FAM168B: variants seen among roughly 807,000 people sequenced by gnomAD.
The protein encoded by FAM168B is myelin-associated neurite-outgrowth inhibitor.
FAM168B carries 19 observed loss-of-function variants against 21.8 expected under a neutral mutation model. The observed-to-expected ratio is 0.87, with a 90% CI of 0.61 to 1.28. FAM168B has a LOEUF of 1.28. Ranked by LOEUF, FAM168B falls within the 50% of genes most tolerant of loss-of-function variation. The pLI is 0.00. For synonymous variants in FAM168B, 126 were observed against 104.8 expected (o/e 1.20, Z -1.24); for missense variants, 233 against 263.1 (o/e 0.89, Z 0.79).
chr2:131,048,180 AAAAAC>A lies in FAM168B; in HGVS notation c.*4280_*4284del, dbSNP rs1422482324. The A allele has an allele frequency of 1.6e-6, 2 of 1,251,104 alleles. No homozygotes were observed. Among genetic ancestry groups the A allele is most frequent in the Non-Finnish European group, 1.0e-6 (1 of 960,396 alleles). The allele number at this position is 1,251,104 out of a possible 1,614,324, so 77.5% of individuals were successfully genotyped here. A position where few individuals can be genotyped will look rare whatever the true frequency, so the allele number is the denominator to read the frequency against. ...AACGGTATTTAAAAATCATTTTTAAAAAAACAAAAAGGAACCGTTTCTTCTTTAGT... is the reference window on the plus strand; with the variant it reads ...AACGGTATTTAAAAATCATTTTTAAAAAAAAGGAACCGTTTCTTCTTTAGT... On this transcript the variant is annotated 3_prime_UTR_variant, in exon 7 of 7. Coordinates refer to ENST00000389915, the MANE Select transcript of FAM168B (RefSeq NM_001009993.4).
intron 3 of FAM168B, among the ~76,000 whole-genome samples, chr2:131,061,406 C>G (rs922435106): frequency 2.0e-5 from 3 of 151,542 alleles, no homozygotes; most frequent in Admixed American, 6.6e-5. Context: ...ATGGAAACAA[C>G]AGTCATGCAT....
At chr2:131,089,034 T>A in intron 1 of FAM168B, among the ~76,000 whole-genome samples, 1 of 151,604 alleles carries the variant, frequency 6.6e-6, no homozygotes, top group East Asian at 1.9e-4. Flanking sequence ...TGGCGCGATC[T>A]CAGCTCACCG....
chr2:131,077,333 G>A (rs556529725), intron 2 of FAM168B, among the ~76,000 whole-genome samples: 26 of 152,148 alleles, frequency 1.7e-4, no homozygotes, highest in African/African-American at 6.3e-4. Flanking sequence ...CTACTGTTCA[G>A]CCAGGAGAAG....
At chr2:131,060,319 C>T (rs1692230485) in intron 3 of FAM168B, among the ~76,000 whole-genome samples, 4 of 151,902 alleles carry the variant, frequency 2.6e-5, no homozygotes, top group Admixed American at 1.3e-4. Context: ...CCACCGCGCC[C>T]GGCCGTGAGT....
chr2:131,081,260 G>A (rs1180017476), intron 2 of FAM168B, among the ~76,000 whole-genome samples: 4 of 152,070 alleles, frequency 2.6e-5, no homozygotes, highest in Non-Finnish European at 5.9e-5. Flanking sequence ...GCATCTACCT[G>A]ATGGTTCTTC....
In FAM168B at chr2:131,086,312, A is replaced by G. The variant is rs78829253; in HGVS notation, c.-11-3655T>C. On this transcript the variant is annotated intron_variant, in intron 1 of 6. Coordinates refer to ENST00000389915, the MANE Select transcript of FAM168B (RefSeq NM_001009993.4). ...TTGAATTCCAGATAAGCAAAGCACTACACAAAGGCCACAGAGAAAACAAAA... is the reference window on the plus strand; with the variant it reads ...TTGAATTCCAGATAAGCAAAGCACTGCACAAAGGCCACAGAGAAAACAAAA... Among the ~76,000 whole-genome samples the G allele has an allele frequency of 6.5e-3, 993 of 152,336 alleles. 35 individuals carry two copies. Among genetic ancestry groups the G allele is most frequent in the Admixed American group, 0.047 (714 of 15,296 alleles).
In FAM168B at chr2:131,055,427, G is replaced by C; in HGVS notation, c.320C>G (p.Pro107Arg). ...YAQQGTYYTQ[P>R]LYAAPPHVIH... ...GACGTGAGGAGGTGCTGCATACAGC[G>C]GCTGTGTGTAGTACGTGCCTTGCTG... The change falls in exon 5 of 7, where the codon CCG becomes CGG. Residue 107 changes from proline (P) to arginine (R), a missense_variant. Pro to Arg is a moderately radical substitution (Grantham distance 103). Coordinates refer to ENST00000389915, the MANE Select transcript of FAM168B (RefSeq NM_001009993.4). 1 of 1,609,432 alleles carries C rather than the reference G, an allele frequency of 6.2e-7. No homozygotes were observed. The highest frequency in any genetic ancestry group is 2.2e-5 in the East Asian group (1 of 44,712).
In FAM168B at chr2:131,052,174, G is replaced by A; in HGVS notation, c.*291C>T. On this transcript the variant is annotated 3_prime_UTR_variant, in exon 7 of 7. Transcript: ENST00000389915. ...TTTTTGTGTTTGTTTTTTTAAACAT[G>A]CATTCAACTAGATATGATTCAGAAT... The A allele has an allele frequency of 2.0e-6, 2 of 985,722 alleles. No individual in the cohort carries two copies. Among genetic ancestry groups the A allele is most frequent in the Non-Finnish European group, 2.4e-6 (2 of 829,918 alleles). 61.1% of individuals were successfully genotyped at this position (985,722 alleles called of 1,614,324 possible).
chr2:131,083,114 G>C (rs1006417946), intron 1 of FAM168B, among the ~76,000 whole-genome samples: 1 of 152,020 alleles, frequency 6.6e-6, no homozygotes, highest in African/African-American at 2.4e-5. Context: ...TTAGCACTTC[G>C]GGAGGCTGAG....
At position 131,048,448 on chromosome 2, in the gene FAM168B, C is replaced by A. The variant is rs1691431263; in HGVS notation, c.*4017G>T. On this transcript the variant is annotated 3_prime_UTR_variant, in exon 7 of 7. Transcript: ENST00000389915. ...ACAGACGCCGCTCATCCTCTGTCTC[C>A]CCTTCCCAAGTGACTTCACTTCAGT... 1.7e-6 allele frequency: 2 copies of A among 1,197,952 alleles called. No homozygotes were observed. Among genetic ancestry groups the A allele is most frequent in the South Asian group, 3.2e-5 (2 of 61,870 alleles). 74.2% of individuals were successfully genotyped at this position (1,197,952 alleles called of 1,614,324 possible). A position where few individuals can be genotyped will look rare whatever the true frequency, so the allele number is the denominator to read the frequency against.
At position 131,048,101 on chromosome 2, in the gene FAM168B, C is replaced by A; in HGVS notation, c.*4364G>T. On this transcript the variant is annotated 3_prime_UTR_variant, in exon 7 of 7. Transcript: ENST00000389915. ...GCAGAGGTGAGGGATGCCTTTAACA[C>A]TGGAAGACAATGCTGACTTAGCTTA... The A allele has an allele frequency of 1.0e-5, 11 of 1,048,130 alleles. No homozygotes were observed. The highest frequency in any genetic ancestry group is 1.4e-5 in the Non-Finnish European group (11 of 805,408). The allele number at this position is 1,048,130 out of a possible 1,614,324, so 64.9% of individuals were successfully genotyped here. A position where few individuals can be genotyped will look rare whatever the true frequency, so the allele number is the denominator to read the frequency against.
Position 131,049,623 on chromosome 2 carries a change from A to G in FAM168B, c.*2842T>C. ...CGGCTGAACACACTCCCCAAGCCTCAGGGGAGAAGGTGTAGAACAAATATT... is the reference window on the plus strand; with the variant it reads ...CGGCTGAACACACTCCCCAAGCCTCGGGGGAGAAGGTGTAGAACAAATATT... On this transcript the variant is annotated 3_prime_UTR_variant, in exon 7 of 7. Transcript: ENST00000389915. 1 of 985,594 alleles carries G rather than the reference A, an allele frequency of 1.0e-6. No homozygotes were observed. Among genetic ancestry groups the G allele is most frequent in the Non-Finnish European group, 1.2e-6 (1 of 829,922 alleles). The allele number at this position is 985,594 out of a possible 1,614,324, so 61.1% of individuals were successfully genotyped here. A position where few individuals can be genotyped will look rare whatever the true frequency, so the allele number is the denominator to read the frequency against.
In FAM168B at chr2:131,070,735, T is replaced by C. The variant is rs1452005094; in HGVS notation, c.154+1120A>G. 2.6e-5 allele frequency among the ~76,000 whole-genome samples: 4 copies of C among 152,286 alleles called. No homozygotes were observed. The East Asian group carries it at 7.7e-4, about 29-fold the overall frequency. ...AATACTACCTAACAATAAAAAGGAA[T>C]GAACTGCTAATATACACTACGAGAT... On this transcript the variant is annotated intron_variant, in intron 3 of 6. Coordinates refer to ENST00000389915, the MANE Select transcript of FAM168B (RefSeq NM_001009993.4).
At chr2:131,078,611 A>G (rs1217717324) in intron 2 of FAM168B, among the ~76,000 whole-genome samples, 1 of 152,206 alleles carries the variant, frequency 6.6e-6, no homozygotes, top group East Asian at 1.9e-4. Flanking sequence ...TAGTTACATC[A>G]TGGTAAAAGC....
rs1427979793 is a variant in FAM168B at position 131,050,484 on chromosome 2, G to A, written c.*1981C>T. 1 of 985,684 alleles carries A rather than the reference G, an allele frequency of 1.0e-6. No individual in the cohort carries two copies. Among genetic ancestry groups the A allele is most frequent in the African/African-American group, 1.7e-5 (1 of 57,200 alleles). 61.1% of individuals were successfully genotyped at this position (985,684 alleles called of 1,614,324 possible). Reference sequence around the variant, plus strand: ...AAGGGGCACAAACTGTGTGCCTGCGGTAAATGTCTGCCCCCACACATAGAC... The same window carrying A: ...AAGGGGCACAAACTGTGTGCCTGCGATAAATGTCTGCCCCCACACATAGAC... On this transcript the variant is annotated 3_prime_UTR_variant, in exon 7 of 7. Transcript: ENST00000389915.
Position 131,049,858 on chromosome 2 carries a change from T to A in FAM168B, c.*2607A>T, listed in dbSNP as rs770272603. On this transcript the variant is annotated 3_prime_UTR_variant, in exon 7 of 7. Coordinates refer to ENST00000389915, the MANE Select transcript of FAM168B (RefSeq NM_001009993.4). ...AACAGAATTTTGACCCAAGTTCTAT[T>A]TCTTAATTGACTTTAATTTTACTAG... 3.7e-5 allele frequency: 36 copies of A among 985,696 alleles called. No individual in the cohort carries two copies. Among genetic ancestry groups the A allele is most frequent in the Non-Finnish European group, 1.2e-5 (10 of 829,940 alleles). The allele number at this position is 985,696 out of a possible 1,614,324, so 61.1% of individuals were successfully genotyped here. A position where few individuals can be genotyped will look rare whatever the true frequency, so the allele number is the denominator to read the frequency against.
chr2:131,084,239 G>A (rs527856397), intron 1 of FAM168B, among the ~76,000 whole-genome samples: 153 of 148,770 alleles, frequency 1.0e-3, no homozygotes, highest in African/African-American at 3.7e-3. Flanking sequence ...GCCCAGGCTG[G>A]AGTGCAGTGG....
intron 1 of FAM168B, among the ~76,000 whole-genome samples, chr2:131,085,340 C>T (rs1693635133): frequency 6.6e-6 from 1 of 152,096 alleles, no homozygotes; most frequent in Non-Finnish European, 1.5e-5. Flanking sequence ...TCTGTCTTCC[C>T]CACATCCCCA....
At chr2:131,063,641 T>G (rs568188340) in intron 3 of FAM168B, among the ~76,000 whole-genome samples, 24 of 152,192 alleles carry the variant, frequency 1.6e-4, no homozygotes, top group African/African-American at 5.5e-4. Context: ...CAAGGCATGG[T>G]GGGGTGTACC....
Sources: allele counts gnomAD v4.1 joint callset (sites outside exome capture counted in the v4.1 genomes callset), GRCh38; gene constraint gnomAD v4.1.1; transcripts MANE v1.5; gene names NCBI Gene and HGNC (gene_info 2026-07-23, HGNC 2026-07-21).